RP1: variants seen among roughly 807,000 people sequenced by gnomAD.
RP1 encodes RP1 axonemal microtubule associated, also known as oxygen-regulated protein 1.
Under a neutral mutation model 14.8 loss-of-function variants are expected in RP1, and 16 were observed. That is an observed-to-expected ratio of 1.08 (90% CI 0.73 to 1.65). RP1 has a LOEUF of 1.65. Ranked by LOEUF, RP1 falls within the 40% of genes most tolerant of loss-of-function variation. The pLI is 0.00. For missense variants in RP1, 2,631 were observed against 2,535.0 expected (o/e 1.04, Z -0.81); for synonymous variants, 876 against 883.6 (o/e 0.99, Z 0.15).
At chr8:54,843,897 T>C (rs1343155366) in intron 25 of RP1, among the ~76,000 whole-genome samples, 2 of 152,212 alleles carry the variant, frequency 1.3e-5, no homozygotes, top group African/African-American at 4.8e-5. Flanking sequence ...TAGAGCCTCA[T>C]GGCTAAGACT....
At chr8:54,791,598 TAA>T in intron 24 of RP1, among the ~76,000 whole-genome samples, 1 of 152,194 alleles carries the variant, frequency 6.6e-6, no homozygotes, top group Middle Eastern at 3.4e-3. Flanking sequence ...AGGTGTGAGT[TAA>T]AAGTGTCATT....
At chr8:54,653,366 T>A (rs1806693854) in intron 5 of RP1, among the ~76,000 whole-genome samples, 1 of 152,202 alleles carries the variant, frequency 6.6e-6, no homozygotes. Flanking sequence ...AGCATGATTG[T>A]CAGTAAATGC....
intron 16 of RP1, among the ~76,000 whole-genome samples, chr8:54,723,021 T>C (rs148100497): frequency 6.6e-6 from 1 of 151,932 alleles, no homozygotes; most frequent in Non-Finnish European, 1.5e-5. Context: ...GGGACAAGGG[T>C]GGGATTTCAG....
chr8:54,653,525 C>A (rs1214976127), intron 5 of RP1, among the ~76,000 whole-genome samples: 1 of 152,120 alleles, frequency 6.6e-6, no homozygotes, highest in East Asian at 1.9e-4. Context: ...ATATTTTCGG[C>A]AAACTTACTC....
At chr8:54,697,425 C>T (rs942154876) in intron 12 of RP1, among the ~76,000 whole-genome samples, 6 of 152,072 alleles carry the variant, frequency 3.9e-5, no homozygotes, top group Admixed American at 3.3e-4. Flanking sequence ...CATGGTGGCG[C>T]ATGCCTGTGA....
At chr8:54,834,048 C>G (rs1353295780) in intron 24 of RP1, among the ~76,000 whole-genome samples, 5 of 152,114 alleles carry the variant, frequency 3.3e-5, no homozygotes, top group South Asian at 2.1e-4. Context: ...AAAAGAAAGA[C>G]AGAGCTCAGA....
chr8:54,637,423 A>G (rs916540449), intron 3 of RP1, among the ~76,000 whole-genome samples: 1 of 151,996 alleles, frequency 6.6e-6, no homozygotes, highest in Non-Finnish European at 1.5e-5. Context: ...TCAATGGTGA[A>G]CTCTTCCATT....
intron 24 of RP1, among the ~76,000 whole-genome samples, chr8:54,816,831 C>G (rs1366124789): frequency 6.6e-6 from 1 of 152,150 alleles, no homozygotes; most frequent in East Asian, 1.9e-4. Context: ...TGTGCTTCCC[C>G]CAGGTCCCAA....
At chr8:54,755,470 A>G (rs1809480200) in intron 20 of RP1, 2 of 761,542 alleles carry the variant, frequency 2.6e-6, no homozygotes, top group Non-Finnish European at 4.0e-6. Context: ...AAAGTCTCTC[A>G]ATAGACACAG....
In RP1 at chr8:54,744,304, A is replaced by G. The variant is rs553909159; in HGVS notation, c.2808+5275A>G. 8.6e-4 allele frequency among the ~76,000 whole-genome samples: 131 copies of G among 152,276 alleles called. 1 individual carries two copies. Among genetic ancestry groups the G allele is most frequent in the Middle Eastern group, 3.4e-3 (1 of 294 alleles). On this transcript the variant is annotated intron_variant, in intron 19 of 22. Coordinates refer to the RP1 transcript ENST00000636932. ...TGTCCAGAAGCCACAGCGCAGGCCTATACTCAAAAGGGGAAGAGGGCAAGG... is the reference window on the plus strand; with the variant it reads ...TGTCCAGAAGCCACAGCGCAGGCCTGTACTCAAAAGGGGAAGAGGGCAAGG...
At chr8:54,560,845 A>G (rs1804270629) in intron 1 of RP1, 1 of 151,758 alleles carries the variant, frequency 6.6e-6, no homozygotes, top group African/African-American at 2.4e-5. Context: ...GGCCTGCAGC[A>G]CATTTAGGGC....
intron 24 of RP1, among the ~76,000 whole-genome samples, chr8:54,806,284 T>C (rs369310509): frequency 3.5e-4 from 53 of 152,264 alleles, no homozygotes; most frequent in African/African-American, 1.3e-3. Flanking sequence ...CCCAAAGTGC[T>C]GGGATTACAA....
At chr8:54,649,009 T>C (rs1280987433) in exon 4 of RP1, 2 of 1,513,582 alleles carry the variant, frequency 1.3e-6, no homozygotes, top group Admixed American at 2.3e-5. Flanking sequence ...GTTTTTATAA[T>C]CACCAGTGAC....
intron 27 of RP1, among the ~76,000 whole-genome samples, chr8:54,861,480 C>T (rs934629190): frequency 1.3e-5 from 2 of 152,198 alleles, no homozygotes; most frequent in African/African-American, 4.8e-5. Flanking sequence ...TGATTTTCAC[C>T]ACTGTGTAAT....
In RP1 at chr8:54,625,690, A is replaced by G. The variant is rs1437017159; in HGVS notation, c.1808A>G (p.Asp603Gly). The change falls in exon 4 of 4, where the codon GAT becomes GGT. Residue 603 changes from aspartate to glycine, a missense_variant. By Grantham distance (94) the Asp-to-Gly change is moderately conservative. Transcript: ENST00000220676. ...KNFKTYGNTN[D>G]RFSPISADAT... Reference sequence around the variant, plus strand: ...TTCAAAACTTATGGTAACACCAATGATAGGTTCAGTCCTATTTCAGCAGAT... The same window carrying G: ...TTCAAAACTTATGGTAACACCAATGGTAGGTTCAGTCCTATTTCAGCAGAT... 7 of 1,614,132 alleles carry G rather than the reference A, an allele frequency of 4.3e-6. No homozygotes were observed. The highest frequency in any genetic ancestry group is 5.1e-6 in the Non-Finnish European group (6 of 1,180,000).
intron 1 of RP1, among the ~76,000 whole-genome samples, chr8:54,594,609 G>C (rs561461206): frequency 3.0e-4 from 45 of 152,290 alleles, no homozygotes; most frequent in African/African-American, 1.0e-3. Flanking sequence ...TGCTGTTTCA[G>C]ACAAAATTAA....
intron 2 of RP1, 106 bp downstream of exon 2, chr8:54,621,687 C>T: frequency 6.6e-7 from 1 of 1,525,794 alleles, no homozygotes. Context: ...ATCTTCCTTC[C>T]TCCCTGCCTG....
intron 1 of RP1, among the ~76,000 whole-genome samples, chr8:54,591,485 C>T (rs1027386151): frequency 3.3e-5 from 5 of 152,132 alleles, no homozygotes; most frequent in African/African-American, 1.2e-4. Flanking sequence ...ATGTCCCCTT[C>T]TCAGAGAGGA....
intron 24 of RP1, among the ~76,000 whole-genome samples, chr8:54,812,811 C>CTATCATCTA (rs1563383947): frequency 3.5e-5 from 4 of 113,350 alleles, no homozygotes; most frequent in African/African-American, 1.3e-4. Flanking sequence ...CTATCTATCT[C>CTATCATCTA]TCCGTCTTCT....
Sources: allele counts gnomAD v4.1 joint callset (sites outside exome capture counted in the v4.1 genomes callset), GRCh38; gene constraint gnomAD v4.1.1; transcripts MANE v1.5; gene names NCBI Gene and HGNC (gene_info 2026-07-23, HGNC 2026-07-21).